ABCB1: variants seen among roughly 807,000 people sequenced by gnomAD.
ABCB1 encodes the protein ATP binding cassette subfamily B member 1, also known as ATP-dependent translocase ABCB1.
ABCB1 carries 69 observed loss-of-function variants against 142.0 expected under a neutral mutation model. The observed-to-expected ratio is 0.49, with a 90% CI of 0.40 to 0.59. The LOEUF (loss-of-function observed/expected upper bound fraction) is 0.59, where lower values mean the gene tolerates loss of function less well. Among genes scored for constraint, ABCB1 ranks in the 20% least tolerant of loss-of-function variants. The pLI, the probability that ABCB1 is intolerant of heterozygous loss-of-function variation, is 0.00. For synonymous variants in ABCB1, 532 were observed against 539.2 expected, an observed-to-expected ratio of 0.99 and a Z score of 0.18; for missense variants, 1,326 against 1,554.7, an observed-to-expected ratio of 0.85 and a Z score of 2.47.
At chr7:87,579,885 G>A (rs1212301650) in intron 4 of ABCB1, among the ~76,000 whole-genome samples, 3 of 152,050 alleles carry the variant, frequency 2.0e-5, no homozygotes, top group African/African-American at 7.2e-5. Flanking sequence ...TAAACTGATG[G>A]CAACTTAATG....
At chr7:87,544,102 A>C (rs1342363724) in intron 17 of ABCB1, 27 bp downstream of exon 17, 1 of 1,613,254 alleles carries the variant, frequency 6.2e-7, no homozygotes, top group Non-Finnish European at 8.5e-7. Context: ...TTCACAAGTA[A>C]ATCACACAAA....
intron 1 of ABCB1, among the ~76,000 whole-genome samples, chr7:87,622,444 A>G (rs1273268989): frequency 1.3e-5 from 2 of 152,216 alleles, no homozygotes; most frequent in Non-Finnish European, 2.9e-5. Flanking sequence ...GCAAGAGTGC[A>G]AGAAAACTTA....
rs950456921 is a variant in ABCB1 at position 87,541,429 on chromosome 7, T to C, written c.2247A>G (p.Arg749=). 5.0e-6 allele frequency: 8 copies of C among 1,609,556 alleles called. No individual in the cohort carries two copies. The highest frequency in any genetic ancestry group is 2.7e-5 in the African/African-American group (2 of 74,840). The change falls in exon 18 of 28, where the codon CGA becomes CGG. Residue 749 remains arginine (R), a synonymous_variant. Coordinates refer to ENST00000622132, the MANE Select transcript of ABCB1 (RefSeq NM_001348946.2). The part of the protein sequence containing the change: ...FTRIDDPETK[R]QNSNLFSLLF... The stretch of plus-strand genomic sequence containing the variant: ...ATAGTGAAAACAAGTTACTATTCTG[T>C]CGTTTTGTTTCAGGATCATCAATTC...
chr7:87,674,945 G>C (rs1393364590), intron 1 of ABCB1, among the ~76,000 whole-genome samples: 1 of 152,186 alleles, frequency 6.6e-6, no homozygotes, highest in East Asian at 1.9e-4. Context: ...CTCCAGTGCA[G>C]CTCTTCCTGT....
chr7:87,523,791 C>G (rs2117107719), intron 21 of ABCB1, among the ~76,000 whole-genome samples: 1 of 152,276 alleles, frequency 6.6e-6, no homozygotes, highest in Non-Finnish European at 1.5e-5. Context: ...ACATCAGCCG[C>G]ACCACCTTGA....
At position 87,531,335 on chromosome 7, in the gene ABCB1, G is replaced by T; in HGVS notation, c.2644C>A (p.Gln882Lys). ...GVVEMKMLSG[Q>K]ALKDKKELEG... ...AGTTCTTTCTTATCTTTCAGTGCTT[G>T]TCCAGACAACATTTTCATTTCAACA... The change falls in exon 21 of 28, where the codon CAA becomes AAA. Residue 882 changes from glutamine (Q) to lysine (K), a missense_variant. Physicochemically the swap from Gln to Lys is moderately conservative, Grantham distance 53. Coordinates refer to ENST00000622132, the MANE Select transcript of ABCB1 (RefSeq NM_001348946.2). The T allele has an allele frequency of 6.2e-7, 1 of 1,613,370 alleles. No individual in the cohort carries two copies. Among genetic ancestry groups the T allele is most frequent in the East Asian group, 2.2e-5 (1 of 44,786 alleles).
chr7:87,610,846 A>G (rs1290736598), intron 1 of ABCB1, among the ~76,000 whole-genome samples: 3 of 152,202 alleles, frequency 2.0e-5, no homozygotes, highest in East Asian at 1.9e-4. Context: ...ATCTAAGTAC[A>G]TAACACCACT....
At chr7:87,673,926 A>G (rs1585064081) in intron 1 of ABCB1, among the ~76,000 whole-genome samples, 1 of 152,174 alleles carries the variant, frequency 6.6e-6, no homozygotes, top group South Asian at 2.1e-4. Context: ...TGATTGTGAT[A>G]TAAGGTAGGT....
At chr7:87,531,215 G>A (rs2117129082) in intron 21 of ABCB1, 79 bp downstream of exon 21, 7 of 1,178,068 alleles carry the variant, frequency 5.9e-6, no homozygotes, top group Non-Finnish European at 8.9e-6. Context: ...AGCATAGTAA[G>A]CAGTAGGGAG....
At chr7:87,632,537 ACT>A (rs772780915) in intron 1 of ABCB1, among the ~76,000 whole-genome samples, 1 of 152,150 alleles carries the variant, frequency 6.6e-6, no homozygotes, top group Non-Finnish European at 1.5e-5. Context: ...AATCTTACAC[ACT>A]CAACTTCAAA....
intron 7 of ABCB1, among the ~76,000 whole-genome samples, chr7:87,562,419 G>A (rs907679258): frequency 7.0e-4 from 107 of 152,230 alleles, no homozygotes; most frequent in African/African-American, 2.6e-3. Context: ...GGTGGCCAGC[G>A]CCATCCCTTA....
intron 1 of ABCB1, among the ~76,000 whole-genome samples, chr7:87,675,763 CAAATT>C (rs1826292248): frequency 6.8e-6 from 1 of 148,104 alleles, no homozygotes; most frequent in African/African-American, 2.5e-5. Flanking sequence ...CAACTCAAAA[CAAATT>C]AAATAATTTA....
intron 1 of ABCB1, among the ~76,000 whole-genome samples, chr7:87,653,609 T>C (rs139082105): frequency 7.8e-4 from 119 of 152,248 alleles, no homozygotes; most frequent in African/African-American, 2.7e-3. Context: ...AATTCTTATG[T>C]ATATGAAACC....
At chr7:87,604,072 C>T (rs1488328880), upstream of ABCB1, among the ~76,000 whole-genome samples, 2 of 152,102 alleles carry the variant, frequency 1.3e-5, no homozygotes, top group African/African-American at 4.8e-5. Flanking sequence ...ATTCTCATAT[C>T]CCAGCTCTGA....
chr7:87,539,226 G>T (rs758878200), intron 19 of ABCB1, 42 bp downstream of exon 19: 1 of 1,587,618 alleles, frequency 6.3e-7, no homozygotes, highest in Non-Finnish European at 8.6e-7. Flanking sequence ...GCACACATGG[G>T]GAGTTCTACA....
chr7:87,709,609 T>C, intron 1 of ABCB1: 1 of 647,106 alleles, frequency 1.5e-6, no homozygotes, highest in Non-Finnish European at 1.9e-6. Flanking sequence ...CTGCCTATAT[T>C]GACTCCTTTG....
chr7:87,678,303 C>A (rs1323298376), intron 1 of ABCB1, among the ~76,000 whole-genome samples: 1 of 152,098 alleles, frequency 6.6e-6, no homozygotes. Context: ...GGGAAGGTTT[C>A]CAGGTTTGCA....
intron 4 of ABCB1, among the ~76,000 whole-genome samples, chr7:87,583,814 C>T (rs1818619926): frequency 6.6e-6 from 1 of 152,112 alleles, no homozygotes; most frequent in Non-Finnish European, 1.5e-5. Context: ...GTTCTGAAGG[C>T]TGGGAAGTCA....
intron 5 of ABCB1, among the ~76,000 whole-genome samples, chr7:87,569,862 T>C (rs944508993): frequency 1.3e-5 from 2 of 152,084 alleles, no homozygotes; most frequent in African/African-American, 4.8e-5. Flanking sequence ...ACATATATAT[T>C]ATAGAAAATA....
Sources: allele counts gnomAD v4.1 joint callset (sites outside exome capture counted in the v4.1 genomes callset), GRCh38; gene constraint gnomAD v4.1.1; transcripts MANE v1.5; gene names NCBI Gene and HGNC (gene_info 2026-07-23, HGNC 2026-07-21).